UPP2: variants seen among roughly 807,000 people sequenced by gnomAD.
UPP2 encodes uridine phosphorylase 2.
Under a neutral mutation model 26.7 loss-of-function variants are expected in UPP2, and 23 were observed. The observed-to-expected ratio is 0.86, with a 90% CI of 0.62 to 1.22. UPP2 has a LOEUF of 1.22. Ranked by LOEUF, UPP2 falls within the 50% of genes most tolerant of loss-of-function variation. The pLI, the probability that UPP2 is intolerant of heterozygous loss-of-function variation, is 0.00. For synonymous variants in UPP2, 127 were observed against 141.3 expected, an observed-to-expected ratio of 0.90 and a Z score of 0.72; for missense variants, 387 against 396.7, an observed-to-expected ratio of 0.98 and a Z score of 0.21.
chr2:158,049,271 C>T (rs1056609168), intron 3 of UPP2, among the ~76,000 whole-genome samples: 8 of 152,162 alleles, frequency 5.3e-5, no homozygotes, highest in Non-Finnish European at 1.0e-4. Flanking sequence ...TCATGGTGGG[C>T]TCTGTGACAG....
intron 6 of UPP2, chr2:158,127,837 C>A: frequency 5.3e-6 from 1 of 188,726 alleles, no homozygotes; most frequent in Non-Finnish European, 9.9e-6. Context: ...TAGTGGAATT[C>A]ACCCAATTAT....
chr2:158,053,937 T>C (rs1287410491), intron 3 of UPP2, among the ~76,000 whole-genome samples: 1 of 152,218 alleles, frequency 6.6e-6, no homozygotes, highest in East Asian at 1.9e-4. Flanking sequence ...TGTAACTATC[T>C]GTCACAAGCA....
intron 3 of UPP2, among the ~76,000 whole-genome samples, chr2:158,036,912 G>A (rs939292962): frequency 2.6e-5 from 4 of 152,158 alleles, no homozygotes; most frequent in Non-Finnish European, 4.4e-5. Flanking sequence ...TCTTCTGTAT[G>A]TTCCTTAAAA....
intron 3 of UPP2, among the ~76,000 whole-genome samples, chr2:158,049,894 G>A (rs1682119808): frequency 6.6e-6 from 1 of 152,092 alleles, no homozygotes; most frequent in Non-Finnish European, 1.5e-5. Context: ...TTTTTCACTT[G>A]GAAAAGACTT....
upstream of UPP2, among the ~76,000 whole-genome samples, chr2:158,098,744 C>T (rs1683026751): frequency 6.6e-6 from 1 of 152,154 alleles, no homozygotes; most frequent in African/African-American, 2.4e-5. Context: ...CTAAATGAGA[C>T]TATTTAAACC....
chr2:158,104,977 GAAGAGA>G (rs1558932151), intron 1 of UPP2, among the ~76,000 whole-genome samples: 6 of 52,870 alleles, frequency 1.1e-4, no homozygotes, highest in East Asian at 8.9e-4. Flanking sequence ...GAAGGGAAGG[GAAGAGA>G]AGGGAAGGGA....
chr2:158,115,223 C>CTGTA lies in UPP2; in HGVS notation c.308_311dup (p.Lys105ValfsTer24), dbSNP rs768862173. ...ACATCTGTGCTGGGACAGACAGATA[C>CTGTA]TGTATGTACAAAACCGGGCCTGTGC... On this transcript the variant is annotated frameshift_variant, in exon 3 of 7. Transcript: ENST00000005756. LOFTEE classifies it high-confidence loss of function. The CTGTA allele has an allele frequency of 3.7e-6, 6 of 1,612,594 alleles. No homozygotes were observed. The African/African-American group carries it at 8.0e-5, about 22-fold the overall frequency.
intron 3 of UPP2, among the ~76,000 whole-genome samples, chr2:158,048,982 G>A (rs551066468): frequency 1.6e-4 from 24 of 152,260 alleles, no homozygotes; most frequent in Non-Finnish European, 2.4e-4. Flanking sequence ...TCTCCACTAT[G>A]GCATCTCCCT....
At chr2:158,038,648 T>C (rs796856624) in intron 3 of UPP2, among the ~76,000 whole-genome samples, 8 of 152,354 alleles carry the variant, frequency 5.3e-5, no homozygotes, top group African/African-American at 1.7e-4. Flanking sequence ...CTCTTCACCC[T>C]TGAGCTGGAA....
At chr2:158,092,555 A>G (rs545967909) in intron 3 of UPP2, among the ~76,000 whole-genome samples, 1 of 152,368 alleles carries the variant, frequency 6.6e-6, no homozygotes, top group Non-Finnish European at 1.5e-5. Context: ...CCCATGCTGA[A>G]GAACTATTAT....
At chr2:158,003,905 T>C (rs995692633) in intron 2 of UPP2, among the ~76,000 whole-genome samples, 20 of 152,116 alleles carry the variant, frequency 1.3e-4, no homozygotes, top group Middle Eastern at 3.2e-3. Context: ...AAGTGCTGGA[T>C]TGTTTCAAAA....
chr2:158,110,196 T>A (rs955328909), intron 2 of UPP2, among the ~76,000 whole-genome samples: 2 of 152,200 alleles, frequency 1.3e-5, no homozygotes, highest in South Asian at 4.1e-4. Flanking sequence ...GATGTTCCCC[T>A]TCCTGTGTCC....
intron 2 of UPP2, among the ~76,000 whole-genome samples, chr2:158,006,583 T>A (rs1683493440): frequency 6.6e-6 from 1 of 150,872 alleles, no homozygotes; most frequent in African/African-American, 2.4e-5. Context: ...AACTTCACCA[T>A]CTTCTCCAGA....
chr2:158,032,102 A>C (rs1683929801), intron 3 of UPP2, among the ~76,000 whole-genome samples: 1 of 152,216 alleles, frequency 6.6e-6, no homozygotes, highest in Non-Finnish European at 1.5e-5. Flanking sequence ...GATCAAAAGA[A>C]TTGGGGAATC....
At chr2:158,128,035 G>A in intron 6 of UPP2, 1 of 984,812 alleles carries the variant, frequency 1.0e-6, no homozygotes, top group South Asian at 4.7e-5. Context: ...GTGAACTTGT[G>A]GTAAGTATGT....
At chr2:158,103,980 CCAG>C (rs1366839336) in intron 1 of UPP2, among the ~76,000 whole-genome samples, 2 of 152,010 alleles carry the variant, frequency 1.3e-5, no homozygotes, top group African/African-American at 4.8e-5. Context: ...TACGTATGAC[CCAG>C]TAACTAATTA....
chr2:158,110,153 A>T (rs1683283218), intron 2 of UPP2, among the ~76,000 whole-genome samples: 1 of 151,922 alleles, frequency 6.6e-6, no homozygotes, highest in Non-Finnish European at 1.5e-5. Context: ...ATCCCTCCCC[A>T]CTGCCCCCAC....
intron 2 of UPP2, among the ~76,000 whole-genome samples, chr2:158,003,714 TAAA>T (rs5835683): frequency 0.028 from 3,700 of 132,096 alleles, 146 homozygotes; most frequent in African/African-American, 0.098. Flanking sequence ...TCTCAAAAAA[TAAA>T]AAAAAAAAAA....
intron 3 of UPP2, among the ~76,000 whole-genome samples, chr2:158,059,747 T>C (rs1682324272): frequency 6.6e-6 from 1 of 152,120 alleles, no homozygotes; most frequent in African/African-American, 2.4e-5. Context: ...CAATATGGCT[T>C]CCTCCTTTTT....
Sources: gnomAD v4.1 joint callset for allele counts (sites outside exome capture counted in the v4.1 genomes callset) on GRCh38, gnomAD v4.1.1 for gene constraint, MANE v1.5 for transcripts, NCBI Gene and HGNC (gene_info 2026-07-23, HGNC 2026-07-21) for gene names.